CRHR2: variants seen among roughly 807,000 people sequenced by gnomAD.
The protein encoded by CRHR2 is corticotropin-releasing hormone receptor 2.
A neutral mutation model predicts 57.9 loss-of-function variants in CRHR2; 53 were observed. That is an observed-to-expected ratio of 0.92 (90% CI 0.73 to 1.15). The LOEUF (loss-of-function observed/expected upper bound fraction) is 1.15, where lower values mean the gene tolerates loss of function less well. Ranked by LOEUF, CRHR2 falls within the 50% of genes most tolerant of loss-of-function variation. The pLI is 0.00. For missense variants in CRHR2, 532 were observed against 542.6 expected, an observed-to-expected ratio of 0.98 and a Z score of 0.19; for synonymous variants, 213 against 220.9, an observed-to-expected ratio of 0.96 and a Z score of 0.32.
intron 1 of CRHR2, chr7:30,689,328 A>C (rs904537971): frequency 8.8e-6 from 13 of 1,480,918 alleles, no homozygotes; most frequent in Non-Finnish European, 1.2e-5. Flanking sequence ...GGCCCAGGCT[A>C]GCCATTGACA....
At chr7:30,676,789 T>C (rs533743868) in intron 2 of CRHR2, among the ~76,000 whole-genome samples, 183 of 152,354 alleles carry the variant, frequency 1.2e-3, no homozygotes, top group Middle Eastern at 3.4e-3. Flanking sequence ...ACTCAGCTTA[T>C]GTGTTTCCAT....
chr7:30,679,170 A>G (rs770921261), intron 2 of CRHR2, among the ~76,000 whole-genome samples: 1 of 152,032 alleles, frequency 6.6e-6, no homozygotes, highest in Non-Finnish European at 1.5e-5. Flanking sequence ...CTAAAATCCA[A>G]CCTGTCCCCA....
At chr7:30,691,999 C>T (rs1415101989) in intron 1 of CRHR2, among the ~76,000 whole-genome samples, 12 of 152,154 alleles carry the variant, frequency 7.9e-5, no homozygotes, top group Admixed American at 7.9e-4. Flanking sequence ...GTGCACACAT[C>T]CCAGTGTGCA....
At chr7:30,694,018 T>G (rs932703142) in intron 1 of CRHR2, among the ~76,000 whole-genome samples, 1 of 152,206 alleles carries the variant, frequency 6.6e-6, no homozygotes, top group Non-Finnish European at 1.5e-5. Context: ...AGACTGACTG[T>G]AGGCTGTGGG....
At chr7:30,688,550 G>A (rs111481376) in intron 2 of CRHR2, among the ~76,000 whole-genome samples, 4,465 of 152,322 alleles carry the variant, frequency 0.029, 94 homozygotes, top group Non-Finnish European at 0.051. Flanking sequence ...GGCTGGGTCT[G>A]GGTGCTGGCC....
Position 30,656,022 on chromosome 7 carries a change from G to A in CRHR2, c.832-10C>T, listed in dbSNP as rs770458218. 1.2e-6 allele frequency: 2 copies of A among 1,608,982 alleles called. No individual in the cohort carries two copies. Among genetic ancestry groups the A allele is most frequent in the Admixed American group, 3.3e-5 (2 of 60,014 alleles). ...GAAATACGAAATTGATCTGGAGGGA[G>A]GGCGGGCATGGGAAAGAGGGAAAAG... On this transcript the variant is annotated splice_polypyrimidine_tract_variant and intron_variant, in intron 8 of 11. Coordinates refer to ENST00000471646, the MANE Select transcript of CRHR2 (RefSeq NM_001883.5). The surrounding 1 kb of genome is among the most constrained non-coding windows in gnomAD (Gnocchi z 4.4).
upstream of CRHR2, chr7:30,682,471 A>T (rs1311344986): frequency 4.5e-6 from 6 of 1,327,050 alleles, no homozygotes; most frequent in Non-Finnish European, 5.7e-6. Flanking sequence ...ACCTTCCCGG[A>T]GAGGAGCCGC....
rs1326397861 is a variant in CRHR2 at position 30,653,793 on chromosome 7, G to A, written c.1096-193C>T. On this transcript the variant is annotated intron_variant, in intron 11 of 11. Coordinates refer to ENST00000471646, the MANE Select transcript of CRHR2 (RefSeq NM_001883.5). This position sits in a 1 kb window ranked among gnomAD's most constrained non-coding sequence, Gnocchi z 5.0. ...GCCTCTTCCTTATCCTTTTCCTGGA[G>A]AAGCTTGACTCCACACCTCCTTTAC... Among the ~76,000 whole-genome samples the A allele has an allele frequency of 6.6e-6, 1 of 152,146 alleles. No individual in the cohort carries two copies. The highest frequency in any genetic ancestry group is 1.5e-5 in the Non-Finnish European group (1 of 68,032).
At chr7:30,690,755 G>A (rs1562811455) in intron 1 of CRHR2, among the ~76,000 whole-genome samples, 1 of 152,210 alleles carries the variant, frequency 6.6e-6, no homozygotes, top group African/African-American at 2.4e-5. Context: ...ACAGGAGAGT[G>A]CTGCCCCCTG....
At chr7:30,660,723 C>T in intron 7 of CRHR2, 78 bp from the exon 8 acceptor site, 1 of 1,352,462 alleles carries the variant, frequency 7.4e-7, no homozygotes, top group Non-Finnish European at 1.0e-6. Context: ...CCAGGGTCCT[C>T]CAGCTTTACC....
In CRHR2 at chr7:30,679,675, T is replaced by C. The variant is rs551270324; in HGVS notation, c.229+2240A>G. ...GGGTTTGGCTATAGCATAACAAAAT[T>C]GGGGCAGGAAGTGGAGCCTGAACGC... On this transcript the variant is annotated intron_variant, in intron 2 of 11. Transcript: ENST00000471646. Among the ~76,000 whole-genome samples, 5 of 152,282 alleles carry C rather than the reference T, an allele frequency of 3.3e-5. No homozygotes were observed. The South Asian group carries it at 1.0e-3, about 32-fold the overall frequency.
intron 5 of CRHR2, 28 bp from the exon 6 acceptor site, chr7:30,662,875 G>C: frequency 2.5e-6 from 4 of 1,610,780 alleles, no homozygotes; most frequent in Non-Finnish European, 2.5e-6. Flanking sequence ...AGGCTGTCAG[G>C]AGGCAGCTTG....
upstream of CRHR2, chr7:30,686,502 T>C: frequency 6.6e-7 from 1 of 1,510,034 alleles, no homozygotes; most frequent in Non-Finnish European, 8.8e-7. Context: ...TATTTCAAGG[T>C]ATCTTTGAAT....
intron 11 of CRHR2, chr7:30,654,709 G>A (rs991896939): frequency 1.7e-5 from 26 of 1,536,134 alleles, no homozygotes; most frequent in Non-Finnish European, 2.3e-5. Context: ...TGATTGCTTG[G>A]CACACATCTC....
At chr7:30,696,583 G>A (rs918651665) in intron 1 of CRHR2, among the ~76,000 whole-genome samples, 1 of 152,092 alleles carries the variant, frequency 6.6e-6, no homozygotes, top group African/African-American at 2.4e-5. Flanking sequence ...AATTAGCTGG[G>A]TATGTTGGCA....
At chr7:30,676,540 A>G (rs1167750654) in intron 2 of CRHR2, among the ~76,000 whole-genome samples, 28 of 152,178 alleles carry the variant, frequency 1.8e-4, no homozygotes, top group Admixed American at 1.8e-3. Flanking sequence ...AACTGCTCCA[A>G]GACCTTTAAA....
In CRHR2 at chr7:30,699,745, C is replaced by T. The variant is rs138759472; in HGVS notation, c.-261+199G>A. 4.1e-4 allele frequency: 197 copies of T among 483,696 alleles called. 1 individual carries two copies. The East Asian group carries it at 7.9e-3, about 19-fold the overall frequency. The allele number at this position is 483,696 out of a possible 1,614,324, so 30.0% of individuals were successfully genotyped here. ...GGGATCTCCAATTCATCATCAGACACAAGGATCCCCGATCCAGCCCAGCCA... is the reference window on the plus strand; with the variant it reads ...GGGATCTCCAATTCATCATCAGACATAAGGATCCCCGATCCAGCCCAGCCA... On this transcript the variant is annotated intron_variant, in intron 1 of 13. Transcript: ENST00000341843.
chr7:30,688,946 G>T, intron 2 of CRHR2: 1 of 615,228 alleles, frequency 1.6e-6, no homozygotes, highest in Non-Finnish European at 3.0e-6. Context: ...CTTCCATCGT[G>T]GGAGCTGGGA....
chr7:30,686,507 T>C, upstream of CRHR2: 1 of 1,510,096 alleles, frequency 6.6e-7, no homozygotes, highest in East Asian at 2.5e-5. Flanking sequence ...CAAGGTATCT[T>C]TGAATCCATT....
Sources: gnomAD v4.1 joint callset for allele counts (sites outside exome capture counted in the v4.1 genomes callset) on GRCh38, gnomAD v4.1.1 for gene constraint, Gnocchi (gnomAD v3.1) non-coding constraint, MANE v1.5 for transcripts, NCBI Gene and HGNC (gene_info 2026-07-23, HGNC 2026-07-21) for gene names.